The following ASIP variants were observed in gnomAD, a reference collection of about 807,000 sequenced individuals.
ASIP encodes the protein agouti signaling protein.
Under a neutral mutation model 10.3 loss-of-function variants are expected in ASIP, and 11 were observed. That is an observed-to-expected ratio of 1.07 (90% CI 0.68 to 1.78). The LOEUF (loss-of-function observed/expected upper bound fraction) is 1.78. ASIP is among the 40% of genes most tolerant of loss of function. ASIP has a pLI of 0.00. For synonymous variants in ASIP, 70 were observed against 70.8 expected (o/e 0.99, Z 0.06); for missense variants, 180 against 169.2 (o/e 1.06, Z -0.35).
At chr20:34,220,918 T>G (rs2035042107) in intron 1 of ASIP, among the ~76,000 whole-genome samples, 1 of 151,766 alleles carries the variant, frequency 6.6e-6, no homozygotes, top group African/African-American at 2.4e-5. Context: ...CCATTCTCTG[T>G]TGTGTGGATG....
At chr20:34,197,765 T>C (rs1019263264) in intron 1 of ASIP, among the ~76,000 whole-genome samples, 1 of 152,302 alleles carries the variant, frequency 6.6e-6, no homozygotes, top group South Asian at 2.1e-4. Flanking sequence ...CGCAAGGTCA[T>C]GCAGCCTGAC....
chr20:34,209,503 C>T (rs1759808183), intron 1 of ASIP, among the ~76,000 whole-genome samples: 1 of 152,228 alleles, frequency 6.6e-6, no homozygotes, highest in Admixed American at 6.5e-5. Flanking sequence ...GCACTCTTGG[C>T]AGCCTGGGAA....
At position 34,263,041 on chromosome 20, in the gene ASIP, T is replaced by C. The variant is rs1464315085; in HGVS notation, c.222+148T>C. Reference sequence around the variant, plus strand: ...AAACTGAAAGCTACTAAAGACTTCCTGGCTTGAGCTCTGAGCCAGACACCC... The same window carrying C: ...AAACTGAAAGCTACTAAAGACTTCCCGGCTTGAGCTCTGAGCCAGACACCC... On this transcript the variant is annotated intron_variant, in intron 3 of 3. Coordinates refer to ENST00000374954, the MANE Select transcript of ASIP (RefSeq NM_001672.3). 12 of 942,662 alleles carry C rather than the reference T, an allele frequency of 1.3e-5. No individual in the cohort carries two copies. In the Admixed American group the frequency reaches 2.8e-4, roughly 22 times the overall value. The allele number at this position is 942,662 out of a possible 1,614,324, so 58.4% of individuals were successfully genotyped here.
chr20:34,250,705 G>C (rs2035460180), intron 1 of ASIP, among the ~76,000 whole-genome samples: 1 of 152,168 alleles, frequency 6.6e-6, no homozygotes, highest in Admixed American at 6.5e-5. Context: ...GCTGAGATGG[G>C]AGAATCGCTT....
At chr20:34,187,079 A>T in the ASIP span, among the ~76,000 whole-genome samples, 1 of 152,100 alleles carries the variant, frequency 6.6e-6, no homozygotes, top group Non-Finnish European at 1.5e-5. Context: ...TAACTTCCTG[A>T]TTATGTTTAA....
upstream of ASIP, among the ~76,000 whole-genome samples, chr20:34,192,521 C>CTT (rs35936399): frequency 0.13 from 18,577 of 141,664 alleles, 1,259 homozygotes; most frequent in East Asian, 0.23. Flanking sequence ...TTTTCTTCTT[C>CTT]TTTTTTTTTT....
At chr20:34,220,131 A>G (rs1483704247) in intron 1 of ASIP, among the ~76,000 whole-genome samples, 1 of 151,294 alleles carries the variant, frequency 6.6e-6, no homozygotes, top group Non-Finnish European at 1.5e-5. Flanking sequence ...TTTACAGTCT[A>G]GTTACTTCAG....
intron 1 of ASIP, among the ~76,000 whole-genome samples, chr20:34,220,581 C>T (rs1365340566): frequency 5.5e-5 from 8 of 146,232 alleles, no homozygotes; most frequent in Non-Finnish European, 1.0e-4. Context: ...GATGACAGGG[C>T]GAGACCTTCT....
upstream of ASIP, among the ~76,000 whole-genome samples, chr20:34,241,248 G>A (rs2035279947): frequency 6.6e-6 from 1 of 152,150 alleles, no homozygotes; most frequent in Non-Finnish European, 1.5e-5. Flanking sequence ...TGCTTCTTTT[G>A]TAAAACCTCT....
rs1390701922 is a variant in ASIP at position 34,222,488 on chromosome 20, G to A, written c.-11+27728G>A. ...AACTAGATGCAGAACAGATGTCGTT[G>A]TAGAAGCCTAACATGCAGAGAAACT... On this transcript the variant is annotated intron_variant, in intron 1 of 3. Coordinates refer to the ASIP transcript ENST00000568305. Among the ~76,000 whole-genome samples the A allele has an allele frequency of 1.3e-5, 2 of 152,158 alleles. 1 individual carries two copies. Among genetic ancestry groups the A allele is most frequent in the Middle Eastern group, 6.3e-3 (2 of 316 alleles).
intron 1 of ASIP, among the ~76,000 whole-genome samples, chr20:34,199,557 A>C (rs2034879950): frequency 6.6e-6 from 1 of 152,166 alleles, no homozygotes; most frequent in African/African-American, 2.4e-5. Flanking sequence ...TTATTCCTTG[A>C]AGACTAATGA....
At chr20:34,252,742 C>CCATA (rs536519105) in intron 1 of ASIP, among the ~76,000 whole-genome samples, 30 of 152,264 alleles carry the variant, frequency 2.0e-4, no homozygotes, top group Non-Finnish European at 3.4e-4. Flanking sequence ...TCCCACGAGG[C>CCATA]CATATCTCAG....
At chr20:34,248,617 A>G (rs1034836597) in intron 1 of ASIP, among the ~76,000 whole-genome samples, 1 of 152,116 alleles carries the variant, frequency 6.6e-6, no homozygotes, top group Non-Finnish European at 1.5e-5. Context: ...AGCCTGGGCA[A>G]CATTGTGAGA....
intron 1 of ASIP, among the ~76,000 whole-genome samples, chr20:34,220,958 T>G (rs2035042966): frequency 6.8e-6 from 1 of 146,638 alleles, no homozygotes; most frequent in Admixed American, 6.7e-5. Context: ...TCCTTCTTTT[T>G]TTTTTTTTTT....
chr20:34,238,069 G>T (rs1223202831), upstream of ASIP, among the ~76,000 whole-genome samples: 1 of 152,114 alleles, frequency 6.6e-6, no homozygotes, highest in Non-Finnish European at 1.5e-5. Flanking sequence ...CTGCTTCCAA[G>T]ATTTTATCTT....
chr20:34,204,062 A>G (rs1249625971), intron 1 of ASIP, among the ~76,000 whole-genome samples: 3 of 152,164 alleles, frequency 2.0e-5, no homozygotes, highest in Non-Finnish European at 4.4e-5. Flanking sequence ...TAGTTGTTTG[A>G]TGCTGGCATA....
At position 34,262,900 on chromosome 20, in the gene ASIP, G is replaced by A; in HGVS notation, c.222+7G>A. Reference sequence around the variant, plus strand: ...AAAGAAAAGATCTTCTAAGGTAAGGGCAGGGAAGTTCTGGGAGTTCTCATT... The same window carrying A: ...AAAGAAAAGATCTTCTAAGGTAAGGACAGGGAAGTTCTGGGAGTTCTCATT... On this transcript the variant is annotated splice_region_variant and intron_variant, in intron 3 of 3. Transcript: ENST00000374954. 6.2e-7 allele frequency: 1 copy of A among 1,613,886 alleles called. No homozygotes were observed. Among genetic ancestry groups the A allele is most frequent in the Non-Finnish European group, 8.5e-7 (1 of 1,179,818 alleles).
At position 34,249,426 on chromosome 20, in the gene ASIP, T is replaced by G. The variant is rs143697151; in HGVS notation, c.-11+7937T>G. Among the ~76,000 whole-genome samples, 24 of 152,202 alleles carry G rather than the reference T, an allele frequency of 1.6e-4. 1 individual carries two copies. In the East Asian group the frequency reaches 4.6e-3, roughly 29 times the overall value. On this transcript the variant is annotated intron_variant, in intron 1 of 3. Coordinates refer to ENST00000374954, the MANE Select transcript of ASIP (RefSeq NM_001672.3). ...TATTATATGACTTACTGCTGAAACT[T>G]TACTGAGTGTAATGTAATGTTTCCC...
At chr20:34,231,462 T>C (rs1256621454) in intron 1 of ASIP, among the ~76,000 whole-genome samples, 1 of 152,240 alleles carries the variant, frequency 6.6e-6, no homozygotes, top group African/African-American at 2.4e-5. Context: ...TTTTGTGACT[T>C]TGAGTTAAGC....
Sources: allele counts gnomAD v4.1 joint callset (sites outside exome capture counted in the v4.1 genomes callset), GRCh38; gene constraint gnomAD v4.1.1; transcripts MANE v1.5; gene names NCBI Gene and HGNC (gene_info 2026-07-23, HGNC 2026-07-21).